The following PTPRD variants were observed in gnomAD, a reference collection of about 807,000 sequenced individuals.
PTPRD encodes the protein protein tyrosine phosphatase receptor type D, also known as receptor-type tyrosine-protein phosphatase delta.
Under a neutral mutation model 214.5 loss-of-function variants are expected in PTPRD, and 34 were observed. The ratio of observed to expected loss-of-function variants is 0.16; its 90% CI spans 0.12 to 0.21. The LOEUF (loss-of-function observed/expected upper bound fraction) is 0.21. Ranked by LOEUF, PTPRD falls within the 10% of genes least tolerant of loss-of-function variation. The pLI is 1.00. For missense variants in PTPRD, 2,545 were observed against 2,398.7 expected, an observed-to-expected ratio of 1.06 and a Z score of -1.27; for synonymous variants, 1,128 against 845.7, an observed-to-expected ratio of 1.33 and a Z score of -5.79.
chr9:10,550,414 T>G (rs898964601), intron 2 of PTPRD, among the ~76,000 whole-genome samples: 1 of 152,174 alleles, frequency 6.6e-6, no homozygotes, highest in African/African-American at 2.4e-5. Flanking sequence ...AGTCTAGGAT[T>G]TAATTCCAGG....
chr9:9,043,301 T>C (rs1172522389), intron 10 of PTPRD, among the ~76,000 whole-genome samples: 1 of 152,208 alleles, frequency 6.6e-6, no homozygotes, highest in Non-Finnish European at 1.5e-5. Context: ...TCATTTTTAA[T>C]ACCTGATGCT....
At chr9:8,921,545 G>C (rs1588072981) in intron 11 of PTPRD, among the ~76,000 whole-genome samples, 1 of 151,984 alleles carries the variant, frequency 6.6e-6, no homozygotes, top group African/African-American at 2.4e-5. Context: ...CCAGGCTGGA[G>C]TGCTGTGGCA....
intron 8 of PTPRD, among the ~76,000 whole-genome samples, chr9:9,566,475 A>G (rs569546642): frequency 6.6e-6 from 1 of 152,102 alleles, no homozygotes; most frequent in African/African-American, 2.4e-5. Flanking sequence ...GAGAGCTTAT[A>G]ATGGTTTGCC....
intron 5 of PTPRD, among the ~76,000 whole-genome samples, chr9:9,923,414 AT>A (rs1330148913): frequency 2.9e-5 from 3 of 102,970 alleles, no homozygotes; most frequent in South Asian, 2.8e-4. Context: ...CATTAAAAAA[AT>A]ATTTGTGACA....
intron 8 of PTPRD, among the ~76,000 whole-genome samples, chr9:9,493,997 G>A (rs1390088081): frequency 1.3e-5 from 2 of 152,052 alleles, no homozygotes; most frequent in East Asian, 3.9e-4. Context: ...ACAGAGTTTG[G>A]AAGATTATTC....
At chr9:9,735,378 G>A (rs1355754819) in intron 6 of PTPRD, among the ~76,000 whole-genome samples, 1 of 152,044 alleles carries the variant, frequency 6.6e-6, no homozygotes, top group South Asian at 2.1e-4. Flanking sequence ...TTTTCCTTTT[G>A]TCTTGGGAAT....
At chr9:8,514,597 G>C (rs1028225189) in intron 21 of PTPRD, among the ~76,000 whole-genome samples, 5 of 150,016 alleles carry the variant, frequency 3.3e-5, no homozygotes, top group South Asian at 2.1e-4. Flanking sequence ...AGCTACCTCA[G>C]TGTTTCAGAA....
rs1425158655 is a variant in PTPRD at position 10,142,356 on chromosome 9, A to C, written c.-544-108566T>G. ...ACAGGCAACCCACAAAATGGGAGAA[A>C]ATTTTCGCAACCTACTCATCTGACA... On this transcript the variant is annotated intron_variant, in intron 3 of 45. Transcript: ENST00000381196. Among the ~76,000 whole-genome samples, 685 of 151,942 alleles carry C rather than the reference A, an allele frequency of 4.5e-3. 6 individuals are homozygous for C. Among genetic ancestry groups the C allele is most frequent in the Non-Finnish European group, 6.1e-3 (416 of 67,918 alleles).
intron 5 of PTPRD, among the ~76,000 whole-genome samples, chr9:9,829,671 T>G (rs1251661099): frequency 6.6e-6 from 1 of 151,864 alleles, no homozygotes; most frequent in Non-Finnish European, 1.5e-5. Flanking sequence ...TAAATGAGGC[T>G]CAATTTTAGA....
intron 10 of PTPRD, among the ~76,000 whole-genome samples, chr9:9,056,973 G>C (rs1175405190): frequency 6.6e-6 from 1 of 152,212 alleles, no homozygotes; most frequent in Non-Finnish European, 1.5e-5. Context: ...TGATGATCTT[G>C]CTAGATCATT....
intron 4 of PTPRD, among the ~76,000 whole-genome samples, chr9:10,028,013 T>C (rs1446865688): frequency 6.6e-6 from 1 of 152,190 alleles, no homozygotes; most frequent in Non-Finnish European, 1.5e-5. Context: ...GGTTTGACTT[T>C]GTCCCCATGC....
chr9:8,655,915 A>C (rs1447415505), intron 12 of PTPRD, among the ~76,000 whole-genome samples: 3 of 152,088 alleles, frequency 2.0e-5, no homozygotes, highest in Non-Finnish European at 4.4e-5. Context: ...TTGTTCGAGA[A>C]TCTTCCATGG....
Position 8,338,973 on chromosome 9 carries a change from C to A in PTPRD, c.5328G>T (p.Glu1776Asp). 1 of 1,612,310 alleles carries A rather than the reference C, an allele frequency of 6.2e-7. No individual in the cohort carries two copies. The change falls in exon 43 of 46, where the codon GAG becomes GAT. Residue 1776 changes from glutamate to aspartate, a missense_variant. Transcript: ENST00000381196. ...TTAGGATATACTGTGGCATGTTGTACTCAGCCATGGGATCTACAACAAAGT... is the reference window on the plus strand; with the variant it reads ...TTAGGATATACTGTGGCATGTTGTAATCAGCCATGGGATCTACAACAAAGT... ...YQYFVVDPMA[E>D]YNMPQYILRE...
chr9:9,045,476 G>C (rs780221978), intron 10 of PTPRD, among the ~76,000 whole-genome samples: 27 of 152,132 alleles, frequency 1.8e-4, no homozygotes, highest in Non-Finnish European at 5.9e-5. Context: ...AGCTATTGAA[G>C]AGTAAGACCT....
intron 11 of PTPRD, among the ~76,000 whole-genome samples, chr9:9,007,128 C>A (rs1223109701): frequency 6.6e-6 from 1 of 151,660 alleles, no homozygotes; most frequent in African/African-American, 2.4e-5. Flanking sequence ...TTAAGGAAAT[C>A]AAAATGAAAA....
chr9:9,225,871 G>A (rs964182175), intron 9 of PTPRD, among the ~76,000 whole-genome samples: 3 of 151,930 alleles, frequency 2.0e-5, no homozygotes, highest in Admixed American at 6.6e-5. Flanking sequence ...GTATCATATT[G>A]ATGCATCTCA....
rs555896882 is a variant in PTPRD at position 10,417,752 on chromosome 9, C to A, written c.-599-76735G>T. The stretch of plus-strand genomic sequence containing the variant: ...TTCCCCATGAGAATACATGAGAAAA[C>A]TGGGACCTAAGACAAGGAGCTCTGA... On this transcript the variant is annotated intron_variant, in intron 2 of 45. Coordinates refer to ENST00000381196, the MANE Select transcript of PTPRD (RefSeq NM_002839.4). Among the ~76,000 whole-genome samples the A allele has an allele frequency of 2.6e-5, 4 of 151,896 alleles. No individual in the cohort carries two copies. The East Asian group carries it at 7.8e-4, about 30-fold the overall frequency.
chr9:9,613,744 C>T (rs1304660856), intron 7 of PTPRD, among the ~76,000 whole-genome samples: 2 of 152,256 alleles, frequency 1.3e-5, no homozygotes, highest in East Asian at 3.9e-4. Flanking sequence ...GAATCTCAGG[C>T]CCACCCCCTA....
chr9:10,105,499 C>G (rs981045629), intron 3 of PTPRD, among the ~76,000 whole-genome samples: 2 of 151,722 alleles, frequency 1.3e-5, no homozygotes, highest in African/African-American at 4.8e-5. Context: ...CCACTTTTAC[C>G]TCTACTTTCT....
Sources: gnomAD v4.1 joint callset for allele counts (sites outside exome capture counted in the v4.1 genomes callset) on GRCh38, gnomAD v4.1.1 for gene constraint, MANE v1.5 for transcripts, NCBI Gene and HGNC (gene_info 2026-07-23, HGNC 2026-07-21) for gene names.